RAD52: variants seen among roughly 807,000 people sequenced by gnomAD.
The protein encoded by RAD52 is RAD52 DNA repair protein.
Under a neutral mutation model 55.5 loss-of-function variants are expected in RAD52, and 47 were observed. The observed-to-expected ratio is 0.85, with a 90% CI of 0.67 to 1.08. The LOEUF is 1.08. RAD52 is among the 50% of genes least tolerant of loss of function. RAD52 has a pLI of 0.00. For synonymous variants in RAD52, 184 were observed against 198.9 expected (o/e 0.92, Z 0.63); for missense variants, 468 against 522.8 (o/e 0.90, Z 1.02).
At chr12:971,236 T>G (rs1291182633) in intron 1 of RAD52, among the ~76,000 whole-genome samples, 1 of 152,140 alleles carries the variant, frequency 6.6e-6, no homozygotes, top group Non-Finnish European at 1.5e-5. Context: ...CAACCTTTTG[T>G]TTTGTTTCAT....
chr12:981,797 A>AAATAAAATAAAATAC (rs1273352488), intron 1 of RAD52, among the ~76,000 whole-genome samples: 51 of 151,924 alleles, frequency 3.4e-4, no homozygotes, highest in African/African-American at 1.1e-3. Flanking sequence ...AAATAAAATA[A>AAATAAAATAAAATAC]AATAAAATAA....
In RAD52 at chr12:927,150, G is replaced by A. The variant is rs1957080787; in HGVS notation, c.462C>T (p.Ala154=). Reference sequence around the variant, plus strand: ...ACTCCCAGCCCCGCGCTCACCTGAGGGCTCGCTTCAGCCCGTCTGTCACCG... The same window carrying A: ...ACTCCCAGCCCCGCGCTCACCTGAGAGCTCGCTTCAGCCCGTCTGTCACCG... ...KEAVTDGLKR[A]LRSFGNALGN... The change falls in exon 6 of 12, where the codon GCC becomes GCT. Residue 154 remains alanine (A), a synonymous_variant. Transcript: ENST00000358495. The A allele has an allele frequency of 6.2e-7, 1 of 1,613,764 alleles. No homozygotes were observed. The highest frequency in any genetic ancestry group is 8.5e-7 in the Non-Finnish European group (1 of 1,179,776).
chr12:963,706 A>T (rs1005108625), intron 1 of RAD52, among the ~76,000 whole-genome samples: 13 of 152,078 alleles, frequency 8.5e-5, no homozygotes, highest in Non-Finnish European at 1.9e-4. Flanking sequence ...GGCATAGAGG[A>T]AGGCAACTCA....
intron 1 of RAD52, among the ~76,000 whole-genome samples, chr12:936,121 T>C (rs1439778292): frequency 2.0e-5 from 3 of 151,802 alleles, no homozygotes; most frequent in African/African-American, 7.3e-5. Flanking sequence ...CTGGTCAACA[T>C]GGTGAAACCC....
chr12:919,790 C>T (rs1241370995), intron 7 of RAD52, among the ~76,000 whole-genome samples: 1 of 113,618 alleles, frequency 8.8e-6, no homozygotes, highest in Non-Finnish European at 1.9e-5. Context: ...TGGTGGCTCA[C>T]GCCTGTAATC....
At chr12:926,668 C>T (rs1482293988) in intron 6 of RAD52, 11 of 1,048,458 alleles carry the variant, frequency 1.0e-5, no homozygotes, top group African/African-American at 1.6e-5. Flanking sequence ...CAGTACAGTC[C>T]ACAGAATCAT....
chr12:957,945 C>T (rs981154791), intron 1 of RAD52, among the ~76,000 whole-genome samples: 2 of 152,224 alleles, frequency 1.3e-5, no homozygotes, highest in African/African-American at 2.4e-5. Flanking sequence ...TCGTTGTGGG[C>T]AGTGCTCACC....
chr12:916,588 C>T (rs759835100), intron 8 of RAD52, 51 bp downstream of exon 8: 10 of 1,596,942 alleles, frequency 6.3e-6, no homozygotes, highest in African/African-American at 1.3e-5. Flanking sequence ...GGAGGCAGCC[C>T]CGTGACACAG....
chr12:948,303 T>A (rs989740754), intron 1 of RAD52, among the ~76,000 whole-genome samples: 2 of 152,180 alleles, frequency 1.3e-5, no homozygotes, highest in Non-Finnish European at 2.9e-5. Flanking sequence ...CTAATGGTTT[T>A]AAGGTTTCTT....
At chr12:944,245 AG>A (rs1958074178) in intron 1 of RAD52, among the ~76,000 whole-genome samples, 1 of 151,590 alleles carries the variant, frequency 6.6e-6, no homozygotes, top group African/African-American at 2.4e-5. Flanking sequence ...TTAAGTAGCC[AG>A]GAGTGGTGGC....
chr12:980,007 G>A (rs549005395), intron 1 of RAD52, among the ~76,000 whole-genome samples: 15 of 152,056 alleles, frequency 9.9e-5, no homozygotes, highest in Admixed American at 5.9e-4. Context: ...AGATCGTGCC[G>A]ATGAAACCCC....
chr12:940,266 C>T (rs1039356870), intron 1 of RAD52, among the ~76,000 whole-genome samples: 9 of 151,874 alleles, frequency 5.9e-5, no homozygotes, highest in South Asian at 2.1e-4. Context: ...GTCTTGAAAA[C>T]GCAAGCCTTC....
chr12:973,474 T>C (rs1053471650), intron 1 of RAD52, among the ~76,000 whole-genome samples: 9 of 151,488 alleles, frequency 5.9e-5, no homozygotes, highest in East Asian at 2.0e-4. Context: ...TAAAGGTAGA[T>C]CTGACAGGAT....
intron 7 of RAD52, among the ~76,000 whole-genome samples, chr12:919,434 C>T (rs1246008391): frequency 6.6e-6 from 1 of 151,440 alleles, no homozygotes; most frequent in African/African-American, 2.4e-5. Flanking sequence ...AGTGAAATTC[C>T]GTCTCAACAA....
upstream of RAD52, chr12:990,107 G>T (rs1417199325): frequency 6.6e-6 from 1 of 152,262 alleles, no homozygotes; most frequent in Non-Finnish European, 1.5e-5. Flanking sequence ...GAATGAATGT[G>T]AAGGCTGAGG....
At chr12:987,052 CCT>C (rs1431865696) in intron 1 of RAD52, among the ~76,000 whole-genome samples, 14 of 152,096 alleles carry the variant, frequency 9.2e-5, no homozygotes, top group Admixed American at 5.2e-4. Flanking sequence ...CTGACTGCAA[CCT>C]CTGCCTCCCG....
intron 1 of RAD52, among the ~76,000 whole-genome samples, chr12:971,805 T>A (rs552684670): frequency 1.3e-5 from 2 of 151,996 alleles, no homozygotes; most frequent in African/African-American, 4.8e-5. Flanking sequence ...TGGAGTGCAG[T>A]GGCGCGATCT....
chr12:939,805 G>T (rs184447975), intron 1 of RAD52, among the ~76,000 whole-genome samples: 1 of 152,182 alleles, frequency 6.6e-6, no homozygotes, highest in Non-Finnish European at 1.5e-5. Context: ...CACCGGGCGC[G>T]GTGGCTCATG....
rs55957803 is a variant in RAD52 at position 978,890 on chromosome 12, G to GTAGATAGATAGA, written c.-19+10907_-19+10918dup. Among the ~76,000 whole-genome samples, 1,070 of 149,520 alleles carry GTAGATAGATAGA rather than the reference G, an allele frequency of 7.2e-3. 10 individuals carry two copies. Among genetic ancestry groups the GTAGATAGATAGA allele is most frequent in the South Asian group, 0.025 (117 of 4,692 alleles). On this transcript the variant is annotated intron_variant, in intron 1 of 11. Coordinates refer to the RAD52 transcript ENST00000430095. ...CTCTTAAAAAAAAAGTAGATGATAG[G>GTAGATAGATAGA]TAGATAGATAGATAGATAGATAGAT...
Sources: gnomAD v4.1 joint callset for allele counts (sites outside exome capture counted in the v4.1 genomes callset) on GRCh38, gnomAD v4.1.1 for gene constraint, MANE v1.5 for transcripts, NCBI Gene and HGNC (gene_info 2026-07-23, HGNC 2026-07-21) for gene names.